SCRG1: variants seen among roughly 807,000 people sequenced by gnomAD.
SCRG1 encodes the protein scrapie-responsive protein 1.
A neutral mutation model predicts 7.7 loss-of-function variants in SCRG1; 3 were observed. The observed-to-expected ratio is 0.39, with a 90% CI of 0.18 to 1.01. SCRG1 has a LOEUF of 1.01. Among genes scored for constraint, SCRG1 ranks in the 50% least tolerant of loss-of-function variants. The probability of loss-of-function intolerance (pLI) is 0.36; values close to 1 mark genes in which losing one functional copy is unlikely to be tolerated. For missense variants in SCRG1, 110 were observed against 117.2 expected (o/e 0.94, Z 0.28); for synonymous variants, 46 against 41.2 (o/e 1.12, Z -0.44).
chr4:173,466,629 C>T, the SCRG1 span, among the ~76,000 whole-genome samples: 76 of 152,116 alleles, frequency 5.0e-4, no homozygotes, highest in African/African-American at 1.7e-3. Flanking sequence ...CTGACAAAAA[C>T]TTAAAGAAAG....
At chr4:173,515,422 T>TA in the SCRG1 span, among the ~76,000 whole-genome samples, 105,396 of 149,482 alleles carry the variant, frequency 0.71, 37,950 homozygotes, top group Non-Finnish European at 0.8. This position sits in a 1 kb window ranked among gnomAD's most constrained non-coding sequence, Gnocchi z 4.6. Context: ...GTGTTTGTGC[T>TA]AAAAAAAAAA....
chr4:173,509,485 C>T, the SCRG1 span, among the ~76,000 whole-genome samples: 1 of 152,190 alleles, frequency 6.6e-6, no homozygotes, highest in Non-Finnish European at 1.5e-5. This position sits in a 1 kb window ranked among gnomAD's most constrained non-coding sequence, Gnocchi z 5.7. Flanking sequence ...CCGGCCTCTG[C>T]CCCCGGCCTC....
intron 2 of SCRG1, among the ~76,000 whole-genome samples, chr4:173,389,051 G>A (rs1231352333): frequency 1.3e-5 from 2 of 151,860 alleles, no homozygotes. Context: ...TCAGTAAACT[G>A]TTTTCAAGTC....
At chr4:173,472,329 G>A in the SCRG1 span, among the ~76,000 whole-genome samples, 113 of 152,242 alleles carry the variant, frequency 7.4e-4, 2 homozygotes, top group South Asian at 0.023. Context: ...GTGATACTTC[G>A]TGGATGAACT....
the SCRG1 span, among the ~76,000 whole-genome samples, chr4:173,483,377 T>TTATGTATTATATATTATATCATGA: frequency 1.2e-4 from 2 of 16,150 alleles, 1 homozygote; most frequent in Non-Finnish European, 2.4e-4. Context: ...TAATATTATA[T>TTATGTATTATATATTATATCATGA]TATATATTAT....
chr4:173,512,832 G>A, the SCRG1 span, among the ~76,000 whole-genome samples: 1 of 152,206 alleles, frequency 6.6e-6, no homozygotes. Flanking sequence ...GGGTCACATT[G>A]ATGTAAATGA....
the SCRG1 span, among the ~76,000 whole-genome samples, chr4:173,424,035 G>A: frequency 1.3e-5 from 2 of 152,148 alleles, no homozygotes; most frequent in African/African-American, 4.8e-5. Flanking sequence ...TGAAGGCAGA[G>A]CCTTCAGGAC....
At chr4:173,483,621 T>TAA in the SCRG1 span, among the ~76,000 whole-genome samples, 1 of 53,900 alleles carries the variant, frequency 1.9e-5, no homozygotes, top group African/African-American at 6.3e-5. Context: ...ATATGATATA[T>TAA]TATATTGTGA....
the SCRG1 span, among the ~76,000 whole-genome samples, chr4:173,412,623 C>T: frequency 6.6e-6 from 1 of 152,308 alleles, no homozygotes; most frequent in East Asian, 1.9e-4. Context: ...TTACTGCTTG[C>T]TATAATCCTG....
At chr4:173,490,084 A>G in the SCRG1 span, among the ~76,000 whole-genome samples, 7 of 152,186 alleles carry the variant, frequency 4.6e-5, no homozygotes, top group Non-Finnish European at 1.0e-4. Context: ...AATCTTGCCA[A>G]TTCCATGACA....
At chr4:173,421,017 A>G in the SCRG1 span, among the ~76,000 whole-genome samples, 1 of 152,142 alleles carries the variant, frequency 6.6e-6, no homozygotes, top group Non-Finnish European at 1.5e-5. Context: ...GCAGACCACA[A>G]ATCATAAGCC....
the SCRG1 span, among the ~76,000 whole-genome samples, chr4:173,518,051 C>T: frequency 6.6e-6 from 1 of 152,230 alleles, no homozygotes; most frequent in Admixed American, 6.5e-5. Flanking sequence ...GAGGAGGCTG[C>T]CCTAGTATCT....
the SCRG1 span, among the ~76,000 whole-genome samples, chr4:173,485,165 ATATATAT>A: frequency 1.2e-5 from 1 of 80,572 alleles, no homozygotes; most frequent in African/African-American, 7.8e-5. Context: ...ATAATATATT[ATATATAT>A]TATATATTAC....
the SCRG1 span, among the ~76,000 whole-genome samples, chr4:173,467,328 A>G: frequency 6.6e-6 from 1 of 152,154 alleles, no homozygotes; most frequent in African/African-American, 2.4e-5. Flanking sequence ...ATACTATGTA[A>G]TATGATGACT....
the SCRG1 span, among the ~76,000 whole-genome samples, chr4:173,458,668 A>G: frequency 6.6e-6 from 1 of 152,238 alleles, no homozygotes; most frequent in African/African-American, 2.4e-5. Context: ...TCACGATGAT[A>G]AATAGTAAGA....
At chr4:173,424,557 A>G in the SCRG1 span, among the ~76,000 whole-genome samples, 1 of 152,226 alleles carries the variant, frequency 6.6e-6, no homozygotes, top group Non-Finnish European at 1.5e-5. Context: ...CTGATGCAGG[A>G]CTACCTTCTG....
chr4:173,448,454 G>C, the SCRG1 span, among the ~76,000 whole-genome samples: 3 of 152,154 alleles, frequency 2.0e-5, no homozygotes, highest in Non-Finnish European at 4.4e-5. Context: ...TTGCTTTTCA[G>C]TTTAAGTCAT....
chr4:173,399,918 T>A (rs1000612393), upstream of SCRG1, among the ~76,000 whole-genome samples: 2 of 152,152 alleles, frequency 1.3e-5, no homozygotes, highest in Non-Finnish European at 2.9e-5. Flanking sequence ...TACAAAGGCA[T>A]GAAGGTGAAA....
chr4:173,424,453 C>T, the SCRG1 span, among the ~76,000 whole-genome samples: 5 of 152,200 alleles, frequency 3.3e-5, no homozygotes, highest in Middle Eastern at 6.8e-3. Flanking sequence ...TTCTTCTAAC[C>T]CACAGTAGCC....
Sources: allele counts gnomAD v4.1 joint callset (sites outside exome capture counted in the v4.1 genomes callset), GRCh38; gene constraint gnomAD v4.1.1; non-coding constraint Gnocchi (gnomAD v3.1); transcripts MANE v1.5; gene names NCBI Gene and HGNC (gene_info 2026-07-23, HGNC 2026-07-21).